NAV3: variants seen among roughly 807,000 people sequenced by gnomAD.
NAV3 encodes the protein neuron navigator 3.
In NAV3, 87 loss-of-function variants were observed where a neutral mutation model predicts 244.7. The observed-to-expected ratio is 0.36, with a 90% CI of 0.30 to 0.42. NAV3 has a LOEUF of 0.42. Ranked by LOEUF, NAV3 falls within the 20% of genes least tolerant of loss-of-function variation. The pLI is 1.00. For missense variants in NAV3, 2,663 were observed against 2,893.3 expected, an observed-to-expected ratio of 0.92 and a Z score of 1.83; for synonymous variants, 1,126 against 1,042.2, an observed-to-expected ratio of 1.08 and a Z score of -1.55.
At chr12:77,711,561 CT>C (rs1876113433) in intron 2 of NAV3, among the ~76,000 whole-genome samples, 1 of 152,120 alleles carries the variant, frequency 6.6e-6, no homozygotes, top group Non-Finnish European at 1.5e-5. Flanking sequence ...GGATCTGGTC[CT>C]TTTTTGGCCA....
intron 12 of NAV3, chr12:78,091,709 T>C (rs1400752186): frequency 2.1e-5 from 3 of 141,686 alleles, no homozygotes; most frequent in Non-Finnish European, 4.5e-5. Flanking sequence ...GGCAGGAGAA[T>C]GGCGTGAACC....
intron 2 of NAV3, among the ~76,000 whole-genome samples, chr12:77,616,294 C>T (rs1871140584): frequency 1.3e-5 from 2 of 152,160 alleles, no homozygotes; most frequent in Middle Eastern, 6.8e-3. Flanking sequence ...GTAATCCCAG[C>T]TACTCGGGAG....
At chr12:77,760,286 C>T (rs1869397295) in intron 2 of NAV3, among the ~76,000 whole-genome samples, 1 of 152,218 alleles carries the variant, frequency 6.6e-6, no homozygotes, top group African/African-American at 2.4e-5. Flanking sequence ...TATGCTGAGG[C>T]AATATCTTGG....
chr12:77,776,395 A>G (rs573055311), intron 2 of NAV3, among the ~76,000 whole-genome samples: 3 of 152,372 alleles, frequency 2.0e-5, no homozygotes, highest in East Asian at 1.9e-4. Flanking sequence ...TCACAGACCA[A>G]TTGAGAACGT....
At chr12:77,942,842 T>A (rs1023822749) in intron 3 of NAV3, among the ~76,000 whole-genome samples, 10 of 152,222 alleles carry the variant, frequency 6.6e-5, no homozygotes, top group African/African-American at 2.2e-4. Flanking sequence ...TAACACCTGT[T>A]AAAAGATTTT....
chr12:78,082,432 T>G (rs772357788), intron 12 of NAV3, among the ~76,000 whole-genome samples: 1 of 152,182 alleles, frequency 6.6e-6, no homozygotes, highest in Non-Finnish European at 1.5e-5. Flanking sequence ...TTTTAGAAAA[T>G]CTTGTTGTTT....
At chr12:78,142,820 C>G in intron 20 of NAV3, among the ~76,000 whole-genome samples, 1 of 150,136 alleles carries the variant, frequency 6.7e-6, no homozygotes, top group East Asian at 2.0e-4. Flanking sequence ...GGTGATCGAG[C>G]CACATGAGAA....
In NAV3 at chr12:78,122,414, T is replaced by C. The variant is rs2138706856; in HGVS notation, c.4224T>C (p.Ser1408=). The part of the protein sequence containing the change: ...SLLMRTGSVR[S]TLSESMQLDR... ...TCATGAGAACGGGTAGTGTGAGATC[T>C]ACTCTCTCAGAAAGGTGAGCTTTCC... Residue 1408 remains serine (S), a synonymous_variant, in exon 16 of 40, where the codon TCT becomes TCC. Coordinates refer to ENST00000397909, the MANE Select transcript of NAV3 (RefSeq NM_001024383.2). 6.2e-7 allele frequency: 1 copy of C among 1,601,854 alleles called. No individual in the cohort carries two copies. Among genetic ancestry groups the C allele is most frequent in the South Asian group, 1.1e-5 (1 of 89,400 alleles).
intron 36 of NAV3, 56 bp from the exon 37 acceptor site, chr12:78,199,279 C>A (rs2140008048): frequency 8.4e-7 from 1 of 1,196,050 alleles, no homozygotes; most frequent in Non-Finnish European, 1.2e-6. Flanking sequence ...TAAAGAATCA[C>A]TGTGAATGTA....
intron 9 of NAV3, among the ~76,000 whole-genome samples, chr12:78,039,677 GTA>G (rs1174787843): frequency 6.6e-6 from 1 of 152,032 alleles, no homozygotes; most frequent in Non-Finnish European, 1.5e-5. Context: ...ATTACAATGT[GTA>G]TAATTAAAGC....
At chr12:78,000,798 C>T (rs1411592490) in intron 7 of NAV3, among the ~76,000 whole-genome samples, 1 of 151,058 alleles carries the variant, frequency 6.6e-6, no homozygotes, top group African/African-American at 2.4e-5. Context: ...CCACCGCGCC[C>T]GGCCAAAACA....
chr12:77,990,167 T>C (rs182160697), intron 5 of NAV3, among the ~76,000 whole-genome samples: 1 of 98,018 alleles, frequency 1.0e-5, no homozygotes, highest in East Asian at 3.0e-4. Flanking sequence ...TAACAAGAAT[T>C]GCCTAGGGAG....
intron 12 of NAV3, among the ~76,000 whole-genome samples, chr12:78,108,680 C>T (rs1318982914): frequency 1.3e-5 from 2 of 151,982 alleles, no homozygotes; most frequent in African/African-American, 4.8e-5. Context: ...CAAATACATG[C>T]AGATTAAACA....
chr12:78,118,078 C>CT lies in NAV3; in HGVS notation c.2821_2822insT (p.Pro941LeufsTer2). 1 of 1,613,878 alleles carries CT rather than the reference C, an allele frequency of 6.2e-7. No homozygotes were observed. The highest frequency in any genetic ancestry group is 8.5e-7 in the Non-Finnish European group (1 of 1,179,968). ...CACCACAGACGAGACCTGGGATAGT[C>CT]CTGAGGAACTGAAAAAACCAGAAGA... On this transcript the variant is annotated frameshift_variant, in exon 14 of 40. Coordinates refer to ENST00000397909, the MANE Select transcript of NAV3 (RefSeq NM_001024383.2). LOFTEE classifies it high-confidence loss of function.
At chr12:78,140,219 A>G in intron 19 of NAV3, 63 bp from the exon 20 acceptor site, 1 of 1,390,124 alleles carries the variant, frequency 7.2e-7, no homozygotes, top group Non-Finnish European at 1.0e-6. Flanking sequence ...TTTTTCTGTA[A>G]AGGCTGGAAT....
chr12:78,046,490 C>A (rs1288641759), intron 9 of NAV3, among the ~76,000 whole-genome samples: 1 of 152,044 alleles, frequency 6.6e-6, no homozygotes, highest in Non-Finnish European at 1.5e-5. Context: ...CCTTATTTAC[C>A]CCGTGGTCAT....
chr12:77,669,566 A>T (rs189646777), intron 2 of NAV3, among the ~76,000 whole-genome samples: 1 of 152,166 alleles, frequency 6.6e-6, no homozygotes, highest in South Asian at 2.1e-4. Context: ...TATATCAGAC[A>T]AAACAAACTT....
chr12:78,166,587 A>G (rs557159077), intron 23 of NAV3, among the ~76,000 whole-genome samples: 1 of 151,868 alleles, frequency 6.6e-6, no homozygotes, highest in East Asian at 1.9e-4. Context: ...TTTTACATAT[A>G]TTGTGCCACA....
At chr12:77,745,371 A>G (rs1014941788) in intron 2 of NAV3, among the ~76,000 whole-genome samples, 1 of 152,080 alleles carries the variant, frequency 6.6e-6, no homozygotes, top group Non-Finnish European at 1.5e-5. Context: ...GAAAGAGACA[A>G]TGATGAAGGA....
Sources: gnomAD v4.1 joint callset for allele counts (sites outside exome capture counted in the v4.1 genomes callset) on GRCh38, gnomAD v4.1.1 for gene constraint, MANE v1.5 for transcripts, NCBI Gene and HGNC (gene_info 2026-07-23, HGNC 2026-07-21) for gene names.